DPYD: variants seen among roughly 807,000 people sequenced by gnomAD.
The protein encoded by DPYD is dihydropyrimidine dehydrogenase [NADP(+)].
DPYD carries 109 observed loss-of-function variants against 116.2 expected under a neutral mutation model. The observed-to-expected ratio is 0.94, with a 90% CI of 0.80 to 1.10. The LOEUF (loss-of-function observed/expected upper bound fraction) is 1.10, where lower values mean the gene tolerates loss of function less well. Among genes scored for constraint, DPYD ranks in the 50% least tolerant of loss-of-function variants. The probability of loss-of-function intolerance (pLI) is 0.00; values close to 1 mark genes in which losing one functional copy is unlikely to be tolerated. For synonymous variants in DPYD, 440 were observed against 432.0 expected (o/e 1.02, Z -0.23); for missense variants, 1,302 against 1,254.5 (o/e 1.04, Z -0.57).
At chr1:97,484,816 C>T (rs376595033) in intron 13 of DPYD, among the ~76,000 whole-genome samples, 2 of 152,134 alleles carry the variant, frequency 1.3e-5, no homozygotes, top group Admixed American at 1.3e-4. Context: ...ATTGTAATAG[C>T]ATTATATTTT....
chr1:97,371,399 G>A (rs1343694561), intron 16 of DPYD, among the ~76,000 whole-genome samples: 1 of 152,174 alleles, frequency 6.6e-6, no homozygotes, highest in East Asian at 1.9e-4. Flanking sequence ...CAATGGGGAA[G>A]AGGGACTAGA....
At chr1:97,395,054 C>A (rs1363655703) in intron 14 of DPYD, among the ~76,000 whole-genome samples, 1 of 151,918 alleles carries the variant, frequency 6.6e-6, no homozygotes, top group Non-Finnish European at 1.5e-5. Context: ...ACATTGCCTT[C>A]TGGGATGCCT....
At chr1:97,266,673 T>C (rs1239751181) in intron 18 of DPYD, among the ~76,000 whole-genome samples, 2 of 152,030 alleles carry the variant, frequency 1.3e-5, no homozygotes, top group Non-Finnish European at 2.9e-5. Context: ...ATGCTATCCC[T>C]CCCCCTGCCC....
At chr1:97,505,020 T>C (rs1024410051) in intron 13 of DPYD, among the ~76,000 whole-genome samples, 8 of 151,970 alleles carry the variant, frequency 5.3e-5, no homozygotes, top group African/African-American at 1.7e-4. Flanking sequence ...TGGGTGGTCA[T>C]TGGCCTTTTA....
chr1:97,697,242 T>C (rs188389423), intron 6 of DPYD, among the ~76,000 whole-genome samples: 1 of 151,902 alleles, frequency 6.6e-6, no homozygotes, highest in Admixed American at 6.5e-5. Flanking sequence ...ATCCTAGATA[T>C]TTTTCACTGA....
chr1:97,401,330 T>C (rs1457913194), intron 14 of DPYD, among the ~76,000 whole-genome samples: 2 of 152,150 alleles, frequency 1.3e-5, no homozygotes, highest in Non-Finnish European at 2.9e-5. Context: ...GTTTGTTTGT[T>C]TGAGACGGAG....
At position 97,507,237 on chromosome 1, in the gene DPYD, C is replaced by T. The variant is rs958484659; in HGVS notation, c.1740+8489G>A. Among the ~76,000 whole-genome samples the T allele has an allele frequency of 7.9e-5, 12 of 151,990 alleles. No individual in the cohort carries two copies. In the South Asian group the frequency reaches 2.5e-3, roughly 31 times the overall value. ...TATAAGAACCTAGCTAGGTGATAAACTATTAGTATACAGAAGTCATCTCAG... is the reference window on the plus strand; with the variant it reads ...TATAAGAACCTAGCTAGGTGATAAATTATTAGTATACAGAAGTCATCTCAG... On this transcript the variant is annotated intron_variant, in intron 13 of 22. Transcript: ENST00000370192.
At chr1:97,867,244 G>C (rs1671429933) in intron 2 of DPYD, among the ~76,000 whole-genome samples, 1 of 151,708 alleles carries the variant, frequency 6.6e-6, no homozygotes. Flanking sequence ...AGCTCACGTA[G>C]TTCTAAACTC....
chr1:97,615,281 T>C (rs763389814), intron 8 of DPYD, among the ~76,000 whole-genome samples: 7 of 152,162 alleles, frequency 4.6e-5, no homozygotes, highest in Non-Finnish European at 8.8e-5. Context: ...TGTTCTATTA[T>C]TCACACTTTC....
At chr1:97,710,516 TTTTA>T (rs1480798798) in intron 5 of DPYD, among the ~76,000 whole-genome samples, 4 of 151,834 alleles carry the variant, frequency 2.6e-5, no homozygotes, top group African/African-American at 9.7e-5. Context: ...AATGTCAAAT[TTTTA>T]TTTATCAAAA....
chr1:97,675,751 C>CT lies in DPYD; in HGVS notation c.850+3343dup, dbSNP rs771245189. Among the ~76,000 whole-genome samples, 1,367 of 142,230 alleles carry CT rather than the reference C, an allele frequency of 9.6e-3. 17 individuals are homozygous for CT. Among genetic ancestry groups the CT allele is most frequent in the African/African-American group, 0.023 (897 of 38,870 alleles). The allele number at this position is 142,230 out of a possible 152,430, so 93.3% of individuals were successfully genotyped here. On this transcript the variant is annotated intron_variant, in intron 8 of 22. Coordinates refer to ENST00000370192, the MANE Select transcript of DPYD (RefSeq NM_000110.4). ...CCAACTACAGAAAGAGAAAGTATCT[C>CT]TTTTTTTTTTTTTTTGTAGACGGAG...
intron 14 of DPYD, among the ~76,000 whole-genome samples, chr1:97,433,485 AATTTAGTTCATTTAAGTTT>A (rs1226578142): frequency 6.6e-6 from 1 of 152,096 alleles, no homozygotes; most frequent in Non-Finnish European, 1.5e-5. Context: ...CACTTTCTGA[AATTTAGTTCATTTAAGTTT>A]ATTTGCATTT....
At chr1:97,342,221 C>A (rs1218549530) in intron 16 of DPYD, among the ~76,000 whole-genome samples, 2 of 152,048 alleles carry the variant, frequency 1.3e-5, no homozygotes, top group African/African-American at 4.8e-5. Context: ...TTGCTTAAGG[C>A]GACTTAAATA....
At chr1:97,725,828 G>C (rs1663224345) in intron 4 of DPYD, among the ~76,000 whole-genome samples, 1 of 151,516 alleles carries the variant, frequency 6.6e-6, no homozygotes, top group Admixed American at 6.6e-5. Flanking sequence ...GTCTGAGAGG[G>C]AATGGACAAT....
At chr1:97,263,708 A>C (rs1258010252) in intron 18 of DPYD, among the ~76,000 whole-genome samples, 1 of 152,154 alleles carries the variant, frequency 6.6e-6, no homozygotes, top group African/African-American at 2.4e-5. Context: ...CCAAATTAAT[A>C]CATTTGTTTG....
intron 14 of DPYD, among the ~76,000 whole-genome samples, chr1:97,449,484 C>T (rs1676279176): frequency 6.6e-6 from 1 of 151,896 alleles, no homozygotes; most frequent in African/African-American, 2.4e-5. Flanking sequence ...TTAAGGATCA[C>T]CCTAATCAGA....
Position 97,706,725 on chromosome 1 carries a change from G to A in DPYD, c.484-7178C>T, listed in dbSNP as rs186056649. 3.5e-4 allele frequency among the ~76,000 whole-genome samples: 53 copies of A among 151,968 alleles called. No homozygotes were observed. The East Asian group carries it at 9.5e-3, about 27-fold the overall frequency. On this transcript the variant is annotated intron_variant, in intron 5 of 22. Coordinates refer to ENST00000370192, the MANE Select transcript of DPYD (RefSeq NM_000110.4). Reference sequence around the variant, plus strand: ...TCTCTTTTTAATCCTGAATAATATTGCAATATCTGTATGTACCATAGTTTA... The same window carrying A: ...TCTCTTTTTAATCCTGAATAATATTACAATATCTGTATGTACCATAGTTTA...
chr1:97,789,951 G>T (rs1015268885), intron 3 of DPYD, among the ~76,000 whole-genome samples: 1 of 152,032 alleles, frequency 6.6e-6, no homozygotes, highest in African/African-American at 2.4e-5. Context: ...AACAAAAAAC[G>T]AAGCCCTTCA....
intron 20 of DPYD, among the ~76,000 whole-genome samples, chr1:97,110,277 T>C (rs899097064): frequency 3.3e-5 from 5 of 152,128 alleles, no homozygotes; most frequent in African/African-American, 1.2e-4. Context: ...AAAACAGATA[T>C]GATCTCCTTC....
Sources: allele counts gnomAD v4.1 joint callset (sites outside exome capture counted in the v4.1 genomes callset), GRCh38; gene constraint gnomAD v4.1.1; transcripts MANE v1.5; gene names NCBI Gene and HGNC (gene_info 2026-07-23, HGNC 2026-07-21).